FNDC3B: variants seen among roughly 807,000 people sequenced by gnomAD.
FNDC3B encodes the protein fibronectin type III domain containing 3B.
In FNDC3B, 12 loss-of-function variants were observed where a neutral mutation model predicts 151.5. The observed-to-expected ratio is 0.08, with a 90% CI of 0.05 to 0.13. FNDC3B has a LOEUF of 0.13. Among genes scored for constraint, FNDC3B ranks in the 10% least tolerant of loss-of-function variants. The pLI, the probability that FNDC3B is intolerant of heterozygous loss-of-function variation, is 1.00. For missense variants in FNDC3B, 1,214 were observed against 1,505.3 expected (o/e 0.81, Z 3.20); for synonymous variants, 528 against 549.0 (o/e 0.96, Z 0.54).
chr3:172,235,927 G>A (rs1428458795), intron 4 of FNDC3B, among the ~76,000 whole-genome samples: 1 of 152,196 alleles, frequency 6.6e-6, no homozygotes, highest in Non-Finnish European at 1.5e-5. Context: ...CTGAAAAGAT[G>A]TGACTGGCCT....
At chr3:172,206,142 G>T (rs557770154) in intron 3 of FNDC3B, among the ~76,000 whole-genome samples, 101 of 152,254 alleles carry the variant, frequency 6.6e-4, no homozygotes, top group Non-Finnish European at 1.2e-3. Flanking sequence ...TTTCTCAAGA[G>T]ACTATAGGGA....
At chr3:172,330,786 T>G in intron 13 of FNDC3B, 71 bp downstream of exon 13, 1 of 1,212,748 alleles carries the variant, frequency 8.2e-7, no homozygotes. Context: ...CAGGGCACCA[T>G]GAAATTAGAT....
chr3:172,113,442 G>A (rs760563504), intron 2 of FNDC3B, among the ~76,000 whole-genome samples: 5 of 152,140 alleles, frequency 3.3e-5, no homozygotes, highest in South Asian at 2.1e-4. Flanking sequence ...TCTGTCTATC[G>A]TAGTATATTC....
chr3:172,296,307 C>T (rs1452751772), intron 8 of FNDC3B, among the ~76,000 whole-genome samples: 3 of 152,198 alleles, frequency 2.0e-5, no homozygotes, highest in African/African-American at 7.2e-5. Flanking sequence ...CTTTTCTCCC[C>T]TATTTTCCTG....
intron 11 of FNDC3B, among the ~76,000 whole-genome samples, chr3:172,325,697 C>T (rs541515768): frequency 1.3e-5 from 2 of 152,352 alleles, no homozygotes; most frequent in African/African-American, 2.4e-5. Flanking sequence ...CAGACCAGCA[C>T]GCTGGCATCG....
chr3:172,383,359 T>C (rs1210607119), intron 25 of FNDC3B, among the ~76,000 whole-genome samples: 1 of 152,196 alleles, frequency 6.6e-6, no homozygotes, highest in Non-Finnish European at 1.5e-5. Flanking sequence ...CTTAAGGAGT[T>C]TTTGGACTGA....
intron 6 of FNDC3B, among the ~76,000 whole-genome samples, chr3:172,260,930 A>G (rs1277788391): frequency 2.0e-5 from 3 of 152,146 alleles, no homozygotes; most frequent in South Asian, 2.1e-4. Context: ...TTACTTTGCT[A>G]AAAGGGGGAG....
chr3:172,231,523 G>A (rs558516441), intron 4 of FNDC3B, among the ~76,000 whole-genome samples: 22 of 152,300 alleles, frequency 1.4e-4, no homozygotes, highest in Middle Eastern at 6.8e-3. Flanking sequence ...GAAACAATGG[G>A]GCAGCTGGGA....
chr3:172,397,363 A>C lies in FNDC3B; in HGVS notation c.3503A>C (p.Lys1168Thr). ...TGDMGSLDDP[K>T]MKSMMPTDEQ... ...GACATGGGGAGCTTAGATGATCCCAAAATGAAGAGCATGATGCCTACTGAT... is the reference window on the plus strand; with the variant it reads ...GACATGGGGAGCTTAGATGATCCCACAATGAAGAGCATGATGCCTACTGAT... The change falls in exon 26 of 26, where the codon AAA becomes ACA. Residue 1168 changes from lysine (K) to threonine (T), a missense_variant. Physicochemically the swap from Lys to Thr is moderately conservative, Grantham distance 78. Transcript: ENST00000415807. The C allele has an allele frequency of 6.2e-7, 1 of 1,614,192 alleles. No homozygotes were observed. Among genetic ancestry groups the C allele is most frequent in the Non-Finnish European group, 8.5e-7 (1 of 1,180,004 alleles).
chr3:172,084,391 T>C (rs1718439911), intron 1 of FNDC3B, among the ~76,000 whole-genome samples: 2 of 151,042 alleles, frequency 1.3e-5, no homozygotes, highest in Non-Finnish European at 2.9e-5. Flanking sequence ...GTCAAGGCTG[T>C]GGTGAGCTGA....
chr3:172,149,779 C>G lies in FNDC3B; in HGVS notation c.187+16233C>G, dbSNP rs1171186541. Among the ~76,000 whole-genome samples, 3 of 117,484 alleles carry G rather than the reference C, an allele frequency of 2.6e-5. No homozygotes were observed. The Admixed American group carries it at 2.6e-4, about 10-fold the overall frequency. 77.1% of individuals were successfully genotyped at this position (117,484 alleles called of 152,430 possible). A position where few individuals can be genotyped will look rare whatever the true frequency, so the allele number is the denominator to read the frequency against. ...TTTAATAATTGCTACTTTAAAAAAG[C>G]TTGTGTATACCTTTTGTATGTTGGG... On this transcript the variant is annotated intron_variant, in intron 3 of 25. Coordinates refer to ENST00000415807, the MANE Select transcript of FNDC3B (RefSeq NM_022763.4).
chr3:172,304,340 T>G (rs1226288323), intron 9 of FNDC3B, among the ~76,000 whole-genome samples: 3 of 152,352 alleles, frequency 2.0e-5, no homozygotes, highest in Admixed American at 6.5e-5. Context: ...TGGCTGTTTT[T>G]GGGAACATAT....
intron 1 of FNDC3B, among the ~76,000 whole-genome samples, chr3:172,066,119 C>A (rs1172068343): frequency 1.3e-5 from 2 of 152,144 alleles, no homozygotes; most frequent in African/African-American, 2.4e-5. Flanking sequence ...TGTCTGATAA[C>A]CTGGCTGTTA....
intron 1 of FNDC3B, among the ~76,000 whole-genome samples, chr3:172,085,928 T>C (rs2108504500): frequency 6.6e-6 from 1 of 152,342 alleles, no homozygotes; most frequent in African/African-American, 2.4e-5. Context: ...GTATACATAG[T>C]CTCTATTCTA....
Position 172,224,216 on chromosome 3 carries a change from G to A in FNDC3B, c.188-2655G>A, listed in dbSNP as rs961784249. Among the ~76,000 whole-genome samples the A allele has an allele frequency of 2.4e-4, 37 of 152,128 alleles. 1 individual carries two copies. Among genetic ancestry groups the A allele is most frequent in the African/African-American group, 9.7e-5 (4 of 41,428 alleles). ...TATTAAGTAAATACACAACTCTCTC[G>A]TTGGCTGTGTCAAAAATGCTGAGGC... On this transcript the variant is annotated intron_variant, in intron 3 of 25. Coordinates refer to ENST00000415807, the MANE Select transcript of FNDC3B (RefSeq NM_022763.4).
intron 3 of FNDC3B, among the ~76,000 whole-genome samples, chr3:172,217,950 A>G (rs1289151984): frequency 1.3e-5 from 2 of 152,152 alleles, no homozygotes; most frequent in Non-Finnish European, 2.9e-5. Flanking sequence ...TTATTTAACA[A>G]TTCTATCAGC....
chr3:172,157,696 C>T (rs1722563181), intron 3 of FNDC3B, among the ~76,000 whole-genome samples: 1 of 152,132 alleles, frequency 6.6e-6, no homozygotes, highest in South Asian at 2.1e-4. Flanking sequence ...TCTTTGAGAT[C>T]CATTTGTTTT....
At chr3:172,205,264 C>T (rs1328939569) in intron 3 of FNDC3B, among the ~76,000 whole-genome samples, 1 of 152,132 alleles carries the variant, frequency 6.6e-6, no homozygotes, top group Non-Finnish European at 1.5e-5. Flanking sequence ...GTTCTTTAAA[C>T]TTACTGGAAA....
chr3:172,248,602 A>C (rs1727907289), intron 5 of FNDC3B, among the ~76,000 whole-genome samples: 1 of 151,494 alleles, frequency 6.6e-6, no homozygotes, highest in Non-Finnish European at 1.5e-5. Context: ...GACATTTATT[A>C]TGTTGGTTTA....
Sources: allele counts gnomAD v4.1 joint callset (sites outside exome capture counted in the v4.1 genomes callset), GRCh38; gene constraint gnomAD v4.1.1; transcripts MANE v1.5; gene names NCBI Gene and HGNC (gene_info 2026-07-23, HGNC 2026-07-21).